Variants in ARL15 observed in about 807,000 individuals in gnomAD.
ARL15 encodes the protein ADP-ribosylation factor-like protein 15.
ARL15 carries 19 observed loss-of-function variants against 25.2 expected under a neutral mutation model. That is an observed-to-expected ratio of 0.75 (90% CI 0.53 to 1.10). The LOEUF is 1.10. Ranked by LOEUF, ARL15 falls within the 50% of genes least tolerant of loss-of-function variation. The pLI is 0.00. For missense variants in ARL15, 220 were observed against 246.0 expected, an observed-to-expected ratio of 0.89 and a Z score of 0.71; for synonymous variants, 94 against 86.8, an observed-to-expected ratio of 1.08 and a Z score of -0.46.
intron 4 of ARL15, among the ~76,000 whole-genome samples, chr5:54,025,287 C>CAAAAAAAAAAAAAAAAA (rs756211559): frequency 2.5e-5 from 2 of 80,192 alleles, no homozygotes; most frequent in African/African-American, 6.0e-5. Context: ...ACAAAGGGAC[C>CAAAAAAAAAAAAAAAAA]AAAAAAAAAA....
intron 1 of ARL15, among the ~76,000 whole-genome samples, chr5:54,177,026 T>G (rs1035327272): frequency 1.3e-5 from 2 of 151,928 alleles, no homozygotes; most frequent in African/African-American, 4.8e-5. Context: ...TAGCAGCAAA[T>G]AGAGAACAGA....
chr5:54,095,343 T>C (rs1170600092), intron 4 of ARL15, among the ~76,000 whole-genome samples: 1 of 152,198 alleles, frequency 6.6e-6, no homozygotes, highest in Non-Finnish European at 1.5e-5. Context: ...TGGCTAACAA[T>C]TACCAGAATA....
chr5:54,058,875 G>A (rs1032785774), intron 4 of ARL15, among the ~76,000 whole-genome samples: 5 of 152,226 alleles, frequency 3.3e-5, no homozygotes, highest in African/African-American at 1.2e-4. Flanking sequence ...GGAGCAAGGC[G>A]GGAGGAGGGA....
intron 4 of ARL15, among the ~76,000 whole-genome samples, chr5:53,983,149 C>G (rs907347466): frequency 6.6e-6 from 1 of 151,472 alleles, no homozygotes; most frequent in South Asian, 2.1e-4. Context: ...AGATAATAAA[C>G]AGCGGTCAGT....
intron 4 of ARL15, among the ~76,000 whole-genome samples, chr5:53,916,552 A>C (rs1431874779): frequency 6.6e-6 from 1 of 152,166 alleles, no homozygotes; most frequent in African/African-American, 2.4e-5. Flanking sequence ...GTTTCAGAAC[A>C]CAAAGTATTA....
intron 1 of ARL15, among the ~76,000 whole-genome samples, chr5:54,304,073 T>C (rs1758688351): frequency 6.6e-6 from 1 of 152,214 alleles, no homozygotes; most frequent in Non-Finnish European, 1.5e-5. Flanking sequence ...TTCTTTAACA[T>C]AGTAGTGGTC....
intron 4 of ARL15, among the ~76,000 whole-genome samples, chr5:53,914,967 C>T (rs747918549): frequency 1.1e-4 from 16 of 152,156 alleles, no homozygotes; most frequent in South Asian, 8.3e-4. Context: ...TGTGCCAGCA[C>T]GCCCAGCTAA....
intron 1 of ARL15, among the ~76,000 whole-genome samples, chr5:54,203,444 T>C (rs1311569056): frequency 1.3e-5 from 2 of 152,302 alleles, no homozygotes; most frequent in Non-Finnish European, 1.5e-5. Context: ...GAATAGATTC[T>C]GGATAATCAA....
At chr5:54,031,504 A>T (rs1220552855) in intron 4 of ARL15, among the ~76,000 whole-genome samples, 1 of 152,222 alleles carries the variant, frequency 6.6e-6, no homozygotes, top group Admixed American at 6.5e-5. Flanking sequence ...ATTCTAGATA[A>T]CATTTGCCCA....
At chr5:53,924,658 C>T (rs868200723) in intron 4 of ARL15, among the ~76,000 whole-genome samples, 15 of 152,280 alleles carry the variant, frequency 9.9e-5, no homozygotes, top group African/African-American at 3.4e-4. Flanking sequence ...TTCATTCTCA[C>T]TTAAAGGCTG....
intron 1 of ARL15, among the ~76,000 whole-genome samples, chr5:54,249,309 T>C (rs1386714081): frequency 6.6e-6 from 1 of 152,146 alleles, no homozygotes; most frequent in Non-Finnish European, 1.5e-5. Context: ...GAACTTTCTA[T>C]GTACATCTCT....
intron 4 of ARL15, among the ~76,000 whole-genome samples, chr5:53,938,500 T>G (rs762308998): frequency 2.0e-5 from 3 of 152,256 alleles, no homozygotes; most frequent in Non-Finnish European, 4.4e-5. Flanking sequence ...GTCCAAGATC[T>G]TCCAACTGTC....
At chr5:54,032,462 T>C (rs1414065961) in intron 4 of ARL15, among the ~76,000 whole-genome samples, 1 of 152,168 alleles carries the variant, frequency 6.6e-6, no homozygotes, top group Non-Finnish European at 1.5e-5. Context: ...CTCAAACTCC[T>C]GACCTCAAGT....
intron 4 of ARL15, among the ~76,000 whole-genome samples, chr5:53,930,749 T>C (rs895408113): frequency 6.6e-6 from 1 of 152,152 alleles, no homozygotes; most frequent in Non-Finnish European, 1.5e-5. Flanking sequence ...ATCAGACCTC[T>C]GGACACTGTT....
At chr5:54,175,948 G>T (rs1037560409) in intron 1 of ARL15, among the ~76,000 whole-genome samples, 1 of 152,072 alleles carries the variant, frequency 6.6e-6, no homozygotes, top group African/African-American at 2.4e-5. Flanking sequence ...CACTGAGCCT[G>T]GTCTCTCTTC....
At chr5:54,141,348 CCTTTCCCAGTCA>C (rs1753776311) in intron 3 of ARL15, among the ~76,000 whole-genome samples, 1 of 151,968 alleles carries the variant, frequency 6.6e-6, no homozygotes, top group Non-Finnish European at 1.5e-5. Flanking sequence ...CTTTCCGAGT[CCTTTCCCAGTCA>C]CTTTCATCTT....
At chr5:54,019,837 T>G (rs1228974460) in intron 4 of ARL15, among the ~76,000 whole-genome samples, 1 of 152,244 alleles carries the variant, frequency 6.6e-6, no homozygotes, top group Non-Finnish European at 1.5e-5. Flanking sequence ...TATTTCCATT[T>G]TTTAAAAAAC....
At chr5:54,123,945 AAAG>A (rs1167057144) in intron 3 of ARL15, among the ~76,000 whole-genome samples, 1 of 152,254 alleles carries the variant, frequency 6.6e-6, no homozygotes, top group African/African-American at 2.4e-5. Context: ...CACTAGCCAA[AAAG>A]AAGACAAATG....
intron 1 of ARL15, among the ~76,000 whole-genome samples, chr5:54,225,392 A>G (rs952674133): frequency 4.6e-5 from 7 of 152,168 alleles, no homozygotes; most frequent in Admixed American, 2.0e-4. Context: ...AAGGTGGTGG[A>G]GATGGTGAGA....
Sources: gnomAD v4.1 joint callset for allele counts (sites outside exome capture counted in the v4.1 genomes callset) on GRCh38, gnomAD v4.1.1 for gene constraint, MANE v1.5 for transcripts, NCBI Gene and HGNC (gene_info 2026-07-23, HGNC 2026-07-21) for gene names.